The following SGCD variants were observed in gnomAD, a reference collection of about 807,000 sequenced individuals.
SGCD encodes sarcoglycan delta.
A neutral mutation model predicts 36.6 loss-of-function variants in SGCD; 18 were observed. The ratio of observed to expected loss-of-function variants is 0.49; its 90% CI spans 0.34 to 0.73. The LOEUF is 0.73. SGCD is among the 30% of genes least tolerant of loss of function. SGCD has a pLI of 0.01. For missense variants in SGCD, 387 were observed against 346.7 expected (o/e 1.12, Z -0.92); for synonymous variants, 133 against 130.6 (o/e 1.02, Z -0.12).
chr5:155,969,557 A>G (rs1003078786), intron 1 of SGCD, among the ~76,000 whole-genome samples: 1 of 152,170 alleles, frequency 6.6e-6, no homozygotes. Flanking sequence ...TTAGCACATT[A>G]GGCAGAAGAC....
intron 3 of SGCD, among the ~76,000 whole-genome samples, chr5:156,292,206 G>C (rs906065987): frequency 6.6e-6 from 1 of 151,994 alleles, no homozygotes; most frequent in Non-Finnish European, 1.5e-5. Flanking sequence ...TATTATGAAA[G>C]CATTACTACC....
chr5:155,823,239 A>G, the SGCD span, among the ~76,000 whole-genome samples: 5 of 150,914 alleles, frequency 3.3e-5, no homozygotes, highest in East Asian at 1.0e-3. Flanking sequence ...GACCCAGAAA[A>G]GTTATGGTGT....
At chr5:156,618,570 G>T (rs1470271053) in intron 6 of SGCD, among the ~76,000 whole-genome samples, 1 of 140,698 alleles carries the variant, frequency 7.1e-6, no homozygotes, top group Admixed American at 7.7e-5. Flanking sequence ...AATGCTACAG[G>T]GAGTACAGCA....
chr5:156,043,599 G>A (rs183918461), intron 1 of SGCD, among the ~76,000 whole-genome samples: 1 of 152,170 alleles, frequency 6.6e-6, no homozygotes, highest in Admixed American at 6.5e-5. Flanking sequence ...CTTGGAAAAA[G>A]CTTTTATTTT....
chr5:156,054,512 C>T lies in SGCD; in HGVS notation c.-281-63366C>T, dbSNP rs990012871. 4.1e-5 allele frequency among the ~76,000 whole-genome samples: 6 copies of T among 145,942 alleles called. 1 individual carries two copies. The highest frequency in any genetic ancestry group is 1.5e-4 in the African/African-American group (6 of 40,606). ...GTGTTAGCCAGGATGGTCTCAATCT[C>T]CTGACCTCGTGATCCACCCGCCTCA... On this transcript the variant is annotated intron_variant, in intron 1 of 9. Coordinates refer to the SGCD transcript ENST00000517913.
intron 3 of SGCD, among the ~76,000 whole-genome samples, chr5:156,346,604 G>A (rs1368430602): frequency 6.6e-6 from 1 of 152,010 alleles, no homozygotes; most frequent in Non-Finnish European, 1.5e-5. Flanking sequence ...CCAGCTAAGA[G>A]TTCAGTTCTT....
At chr5:156,241,132 C>T (rs79496197) in intron 3 of SGCD, among the ~76,000 whole-genome samples, 3,145 of 152,064 alleles carry the variant, frequency 0.021, 98 homozygotes, top group African/African-American at 0.068. Context: ...TACACATAAA[C>T]GATTGAGAAA....
chr5:156,568,108 G>C (rs758113006), intron 4 of SGCD, among the ~76,000 whole-genome samples: 8 of 152,110 alleles, frequency 5.3e-5, no homozygotes, highest in Non-Finnish European at 1.2e-4. Context: ...CAAACTCAGG[G>C]GCTGGGTGTG....
At chr5:156,695,705 A>G (rs1463023946) in intron 7 of SGCD, among the ~76,000 whole-genome samples, 2 of 152,210 alleles carry the variant, frequency 1.3e-5, no homozygotes, top group Non-Finnish European at 2.9e-5. Flanking sequence ...AAACAGCAAG[A>G]AAGTAAGTAT....
chr5:156,128,409 C>T (rs1561531140), intron 3 of SGCD, among the ~76,000 whole-genome samples: 3 of 152,138 alleles, frequency 2.0e-5, no homozygotes, highest in African/African-American at 4.8e-5. Flanking sequence ...GGATTGAAAA[C>T]ATTTGTGCAC....
At chr5:156,598,134 G>A (rs1761010374) in intron 6 of SGCD, among the ~76,000 whole-genome samples, 1 of 152,184 alleles carries the variant, frequency 6.6e-6, no homozygotes, top group African/African-American at 2.4e-5. Flanking sequence ...ATGTTCCTAA[G>A]ACTTTTCCTA....
chr5:156,554,228 G>A (rs563813086), intron 4 of SGCD, among the ~76,000 whole-genome samples: 14 of 152,076 alleles, frequency 9.2e-5, no homozygotes, highest in Middle Eastern at 6.8e-3. Flanking sequence ...TGTGGCGCAC[G>A]CCTGTAATCT....
At chr5:156,211,010 C>G (rs964174636) in intron 3 of SGCD, among the ~76,000 whole-genome samples, 1 of 151,892 alleles carries the variant, frequency 6.6e-6, no homozygotes, top group Admixed American at 6.6e-5. Context: ...TATAATTAAA[C>G]TGTTAAATAA....
In SGCD at chr5:156,025,770, C is replaced by T. The variant is rs139153550; in HGVS notation, c.-281-92108C>T. ...TTGCCACTCTGATTCTCAGACTAAT[C>T]TCAATGTCGGGAAAGAGCACATTCA... On this transcript the variant is annotated intron_variant, in intron 1 of 9. Coordinates refer to the SGCD transcript ENST00000517913. Among the ~76,000 whole-genome samples the T allele has an allele frequency of 5.4e-4, 83 of 152,318 alleles. No homozygotes were observed. The Middle Eastern group carries it at 0.01, about 19-fold the overall frequency.
At chr5:156,476,133 C>T (rs1755167229) in intron 3 of SGCD, among the ~76,000 whole-genome samples, 1 of 152,158 alleles carries the variant, frequency 6.6e-6, no homozygotes, top group Admixed American at 6.5e-5. Flanking sequence ...AACTGGACAA[C>T]ATCTAAGTAG....
intron 3 of SGCD, among the ~76,000 whole-genome samples, chr5:156,377,928 A>G (rs147594475): frequency 1.2e-4 from 18 of 152,314 alleles, no homozygotes; most frequent in African/African-American, 3.8e-4. Context: ...GGTTTGAAAC[A>G]ACAATCATGC....
chr5:156,627,044 G>A (rs1285062628), intron 6 of SGCD, among the ~76,000 whole-genome samples: 1 of 152,128 alleles, frequency 6.6e-6, no homozygotes, highest in Non-Finnish European at 1.5e-5. Context: ...TTCCTTTAAG[G>A]CTGCTTTGGA....
At chr5:156,699,781 C>T (rs1754458799) in intron 7 of SGCD, among the ~76,000 whole-genome samples, 1 of 152,198 alleles carries the variant, frequency 6.6e-6, no homozygotes, top group African/African-American at 2.4e-5. Flanking sequence ...AGACCCTGTT[C>T]TTTAGAGTAG....
intron 1 of SGCD, among the ~76,000 whole-genome samples, chr5:156,077,684 C>A (rs1357036423): frequency 2.6e-5 from 4 of 152,108 alleles, no homozygotes; most frequent in Non-Finnish European, 5.9e-5. Context: ...TTGAAATCTT[C>A]ATTTACTCTC....
Sources: gnomAD v4.1 joint callset for allele counts (sites outside exome capture counted in the v4.1 genomes callset) on GRCh38, gnomAD v4.1.1 for gene constraint, MANE v1.5 for transcripts, NCBI Gene and HGNC (gene_info 2026-07-23, HGNC 2026-07-21) for gene names.